The following COBL variants were observed in gnomAD, a reference collection of about 807,000 sequenced individuals.
COBL encodes cordon-bleu WH2 repeat protein.
COBL carries 51 observed loss-of-function variants against 98.8 expected under a neutral mutation model. The ratio of observed to expected loss-of-function variants is 0.52; its 90% CI spans 0.41 to 0.65. The LOEUF (loss-of-function observed/expected upper bound fraction) is 0.65, where lower values mean the gene tolerates loss of function less well. Among genes scored for constraint, COBL ranks in the 30% least tolerant of loss-of-function variants. The probability of loss-of-function intolerance (pLI) is 0.00; values close to 1 mark genes in which losing one functional copy is unlikely to be tolerated. For synonymous variants in COBL, 634 were observed against 651.7 expected (o/e 0.97, Z 0.41); for missense variants, 1,617 against 1,617.5 (o/e 1.00, Z 0.01).
At position 51,184,276 on chromosome 7, in the gene COBL, A is replaced by T. The variant is rs76437960; in HGVS notation, c.686-77T>A. The T allele has an allele frequency of 0.013, 10,484 of 783,488 alleles. 682 individuals are homozygous for T. The South Asian group carries it at 0.14, about 10-fold the overall frequency. The allele number at this position is 783,488 out of a possible 1,614,324, so 48.5% of individuals were successfully genotyped here. ...AATACTTTACTTAAAAAATCTTAAT[A>T]AATGAATCCTCTACTCTTAAACTTT... On this transcript the variant is annotated intron_variant, in intron 4 of 12. Transcript: ENST00000265136.
intron 1 of COBL, among the ~76,000 whole-genome samples, chr7:51,293,192 C>G (rs1584424201): frequency 1.3e-5 from 2 of 152,132 alleles, no homozygotes; most frequent in Admixed American, 1.3e-4. Flanking sequence ...GCTAAGAAAC[C>G]CTGGCAGTTT....
intron 2 of COBL, among the ~76,000 whole-genome samples, chr7:51,195,272 A>T (rs1790485827): frequency 6.6e-6 from 1 of 152,112 alleles, no homozygotes; most frequent in African/African-American, 2.4e-5. Context: ...TTGAATAGGG[A>T]GTTATTTCCC....
intron 1 of COBL, among the ~76,000 whole-genome samples, chr7:51,256,433 T>C (rs1797204919): frequency 6.6e-6 from 1 of 152,186 alleles, no homozygotes; most frequent in South Asian, 2.1e-4. Context: ...GCTGGGGCTT[T>C]CAGTGCACAC....
chr7:51,104,544 A>T (rs923152455), intron 6 of COBL, among the ~76,000 whole-genome samples: 1 of 152,194 alleles, frequency 6.6e-6, no homozygotes, highest in Non-Finnish European at 1.5e-5. Flanking sequence ...TCCCTTGTTT[A>T]CTGTTAGGAT....
intron 5 of COBL, chr7:51,172,511 G>A (rs1426141190): frequency 3.9e-6 from 5 of 1,287,522 alleles, no homozygotes; most frequent in Non-Finnish European, 4.0e-6. Flanking sequence ...GTCTGCACCC[G>A]ACAGCACGAG....
intron 5 of COBL, among the ~76,000 whole-genome samples, chr7:51,150,503 G>A (rs923614672): frequency 2.0e-5 from 3 of 152,078 alleles, no homozygotes; most frequent in Non-Finnish European, 4.4e-5. Flanking sequence ...ATTATTACAT[G>A]GCTATACTCC....
rs373948790 is a variant in COBL at position 51,217,185 on chromosome 7, T to G, written c.245+2556A>C. On this transcript the variant is annotated intron_variant, in intron 2 of 12. Coordinates refer to ENST00000265136, the MANE Select transcript of COBL (RefSeq NM_015198.5). ...AAAACTTCATGGTGGCAACCTCTAC[T>G]TTATAAGGGAAATAAAAGAAATGAA... Among the ~76,000 whole-genome samples the G allele has an allele frequency of 9.8e-5, 15 of 152,326 alleles. No individual in the cohort carries two copies. In the East Asian group the frequency reaches 2.5e-3, roughly 25 times the overall value.
chr7:51,209,941 G>C (rs1307425630), intron 2 of COBL, among the ~76,000 whole-genome samples: 2 of 152,232 alleles, frequency 1.3e-5, no homozygotes, highest in Non-Finnish European at 2.9e-5. Flanking sequence ...ATCTAGAGAG[G>C]TGAAAGGGAG....
At chr7:51,208,068 G>A (rs1170095153) in intron 2 of COBL, among the ~76,000 whole-genome samples, 6 of 149,278 alleles carry the variant, frequency 4.0e-5, no homozygotes, top group East Asian at 2.0e-4. Context: ...TGTGGGGAGC[G>A]CCTCTGCCCC....
At chr7:51,268,459 T>C (rs1199495721) in intron 1 of COBL, among the ~76,000 whole-genome samples, 1 of 152,130 alleles carries the variant, frequency 6.6e-6, no homozygotes, top group African/African-American at 2.4e-5. Context: ...CAAAAAGTCT[T>C]TCCTACCACC....
intron 5 of COBL, among the ~76,000 whole-genome samples, chr7:51,140,688 T>G (rs143247053): frequency 2.0e-5 from 3 of 152,292 alleles, no homozygotes; most frequent in African/African-American, 7.2e-5. Context: ...GCTATGCAGA[T>G]CTAGCACCAG....
chr7:51,233,641 G>A (rs1794974751), intron 1 of COBL, among the ~76,000 whole-genome samples: 1 of 152,112 alleles, frequency 6.6e-6, no homozygotes, highest in East Asian at 1.9e-4. Context: ...TGACTAGCCC[G>A]CTCTCCACAC....
chr7:51,256,734 G>T (rs1797235990), intron 1 of COBL, among the ~76,000 whole-genome samples: 1 of 152,238 alleles, frequency 6.6e-6, no homozygotes, highest in Non-Finnish European at 1.5e-5. Flanking sequence ...GAGACTTGAT[G>T]AAGGTCACCA....
intron 5 of COBL, among the ~76,000 whole-genome samples, chr7:51,151,337 T>A (rs1426617197): frequency 2.0e-5 from 3 of 152,148 alleles, no homozygotes; most frequent in African/African-American, 7.2e-5. Flanking sequence ...GGCCTGGAAG[T>A]ATGTTGAGTT....
chr7:51,117,814 C>G (rs1184812710), intron 6 of COBL, among the ~76,000 whole-genome samples: 5 of 152,174 alleles, frequency 3.3e-5, no homozygotes, highest in Admixed American at 3.3e-4. Flanking sequence ...TTAGGAGGTT[C>G]TAGATTCCCT....
chr7:51,179,780 TC>T (rs1178505961), intron 5 of COBL, among the ~76,000 whole-genome samples: 1 of 152,010 alleles, frequency 6.6e-6, no homozygotes, highest in African/African-American at 2.4e-5. Context: ...AAAGAAAAAA[TC>T]CAGTAATCTA....
At chr7:51,171,407 A>G (rs1184877100) in intron 5 of COBL, among the ~76,000 whole-genome samples, 1 of 152,196 alleles carries the variant, frequency 6.6e-6, no homozygotes, top group African/African-American at 2.4e-5. Flanking sequence ...AAGCACTGCT[A>G]TAAGAGAACT....
rs1338744759 is a variant in COBL, at chr7:51,203,456, C to T, written c.246-9867G>A. 1.3e-4 allele frequency among the ~76,000 whole-genome samples: 11 copies of T among 84,058 alleles called. 2 individuals are homozygous for T. In the South Asian group the frequency reaches 1.5e-3, roughly 11 times the overall value. The allele number at this position is 84,058 out of a possible 152,430, so 55.1% of individuals were successfully genotyped here. On this transcript the variant is annotated intron_variant, in intron 2 of 12. Coordinates refer to ENST00000265136, the MANE Select transcript of COBL (RefSeq NM_015198.5). ...CAGCCTGGGCGACAGAGCGAGACTC[C>T]GTCTCAAAAAAAAAAAAAAAAAAAA...
chr7:51,107,137 C>T (rs1009229049), intron 6 of COBL, among the ~76,000 whole-genome samples: 8 of 141,850 alleles, frequency 5.6e-5, no homozygotes, highest in Non-Finnish European at 1.1e-4. Flanking sequence ...CTCTGTCACC[C>T]AGGCTGGACT....
Sources: gnomAD v4.1 joint callset for allele counts (sites outside exome capture counted in the v4.1 genomes callset) on GRCh38, gnomAD v4.1.1 for gene constraint, MANE v1.5 for transcripts, NCBI Gene and HGNC (gene_info 2026-07-23, HGNC 2026-07-21) for gene names.